Variants in LRPPRC observed in about 807,000 individuals in gnomAD.
LRPPRC encodes the protein leucine-rich PPR motif-containing protein, mitochondrial.
Under a neutral mutation model 180.3 loss-of-function variants are expected in LRPPRC, and 120 were observed. The ratio of observed to expected loss-of-function variants is 0.67; its 90% CI spans 0.57 to 0.77. LRPPRC has a LOEUF of 0.77. Among genes scored for constraint, LRPPRC ranks in the 30% least tolerant of loss-of-function variants. The pLI, the probability that LRPPRC is intolerant of heterozygous loss-of-function variation, is 0.00. For missense variants in LRPPRC, 2,012 were observed against 1,657.2 expected (o/e 1.21, Z -3.72); for synonymous variants, 723 against 600.0 (o/e 1.21, Z -3.00).
intron 34 of LRPPRC, among the ~76,000 whole-genome samples, chr2:43,898,199 C>G (rs776809641): frequency 6.3e-4 from 96 of 152,078 alleles, no homozygotes; most frequent in Admixed American, 1.1e-3. Context: ...CTAATTCACC[C>G]TTTATAAAAC....
At chr2:43,960,686 G>C (rs772944982) in intron 12 of LRPPRC, 52 bp from the exon 13 acceptor site, 2 of 888,268 alleles carry the variant, frequency 2.3e-6, no homozygotes, top group East Asian at 4.8e-5. Context: ...ACAATATTTT[G>C]ATAAGCCAAA....
At chr2:43,985,474 GCTCTAT>G (rs1207182612) in intron 1 of LRPPRC, among the ~76,000 whole-genome samples, 1 of 152,096 alleles carries the variant, frequency 6.6e-6, no homozygotes, top group Non-Finnish European at 1.5e-5. Flanking sequence ...AATGCCCCAT[GCTCTAT>G]CTCCTCATTC....
At chr2:43,974,086 T>C in intron 9 of LRPPRC, 64 bp downstream of exon 9, 2 of 1,459,038 alleles carry the variant, frequency 1.4e-6, no homozygotes, top group Non-Finnish European at 1.9e-6. Context: ...AATGTTCCTA[T>C]ACTTTAAAGA....
Position 43,886,837 on chromosome 2 carries a change from T to C in LRPPRC, c.*1763A>G, listed in dbSNP as rs1369822275. 6.6e-6 allele frequency: 1 copy of C among 152,208 alleles called. No homozygotes were observed. The highest frequency in any genetic ancestry group is 1.5e-5 in the Non-Finnish European group (1 of 68,050). 9.4% of individuals were successfully genotyped at this position (152,208 alleles called of 1,614,324 possible). On this transcript the variant is annotated 3_prime_UTR_variant, in exon 38 of 38. Transcript: ENST00000260665. ...ATGAGGCCTGCTTCAGTGCAATCAC[T>C]AAAGACAGGAGTGAGGCTCTTGGCC...
chr2:43,888,263 T>C lies in LRPPRC; in HGVS notation c.*337A>G. 3.6e-6 allele frequency: 1 copy of C among 277,394 alleles called. No individual in the cohort carries two copies. The highest frequency in any genetic ancestry group is 6.9e-6 in the Non-Finnish European group (1 of 144,454). 17.2% of individuals were successfully genotyped at this position (277,394 alleles called of 1,614,324 possible). On this transcript the variant is annotated 3_prime_UTR_variant, in exon 38 of 38. Coordinates refer to ENST00000260665, the MANE Select transcript of LRPPRC (RefSeq NM_133259.4). ...ATTTTTCAGAGAAACAGCAGACTAA[T>C]AAGTGAATCTTAAATAAAGGAATAA...
At chr2:43,963,017 T>C (rs1241918595) in intron 12 of LRPPRC, among the ~76,000 whole-genome samples, 2 of 152,212 alleles carry the variant, frequency 1.3e-5, no homozygotes, top group East Asian at 3.8e-4. Context: ...GGAGTTAATA[T>C]TGTTTTAATT....
intron 3 of LRPPRC, among the ~76,000 whole-genome samples, chr2:43,977,957 C>T (rs777735390): frequency 1.3e-5 from 2 of 152,106 alleles, no homozygotes; most frequent in Non-Finnish European, 2.9e-5. Flanking sequence ...TGCCTGTGAC[C>T]ATACAGGCCT....
chr2:43,915,875 C>G (rs1272314820), intron 29 of LRPPRC, among the ~76,000 whole-genome samples: 1 of 152,180 alleles, frequency 6.6e-6, no homozygotes, highest in Non-Finnish European at 1.5e-5. Flanking sequence ...AGCTGATCCT[C>G]TCACCTCAAC....
chr2:43,929,755 T>A (rs1558958086), intron 25 of LRPPRC, among the ~76,000 whole-genome samples: 1 of 152,228 alleles, frequency 6.6e-6, no homozygotes, highest in South Asian at 2.1e-4. Context: ...TTCTCTAAAA[T>A]TTTCCAAGAT....
At chr2:43,958,556 T>C (rs1008336755) in intron 13 of LRPPRC, among the ~76,000 whole-genome samples, 9 of 152,198 alleles carry the variant, frequency 5.9e-5, no homozygotes, top group Non-Finnish European at 1.2e-4. Flanking sequence ...TTTGAAAATC[T>C]AAAAGTCACT....
At chr2:43,911,671 C>T (rs746561499) in intron 30 of LRPPRC, among the ~76,000 whole-genome samples, 1 of 151,754 alleles carries the variant, frequency 6.6e-6, no homozygotes, top group Non-Finnish European at 1.5e-5. Context: ...GGATTACAGG[C>T]ACATGCCACC....
chr2:43,940,770 T>C (rs1176611623), intron 23 of LRPPRC, among the ~76,000 whole-genome samples: 1 of 152,228 alleles, frequency 6.6e-6, no homozygotes, highest in Non-Finnish European at 1.5e-5. Flanking sequence ...TTTCATTTCC[T>C]TGACCATAAC....
At chr2:43,941,575 G>C (rs1672482042) in intron 23 of LRPPRC, among the ~76,000 whole-genome samples, 1 of 152,058 alleles carries the variant, frequency 6.6e-6, no homozygotes, top group Non-Finnish European at 1.5e-5. Flanking sequence ...GTTAATCCTA[G>C]CACTTGTCAT....
At chr2:43,975,548 A>G (rs1048566822) in intron 6 of LRPPRC, among the ~76,000 whole-genome samples, 1 of 151,978 alleles carries the variant, frequency 6.6e-6, no homozygotes, top group Non-Finnish European at 1.5e-5. Flanking sequence ...TATTTTCCAG[A>G]GCAGTTACTT....
intron 2 of LRPPRC, among the ~76,000 whole-genome samples, chr2:43,981,783 T>G (rs1344164691): frequency 6.6e-6 from 1 of 152,084 alleles, no homozygotes; most frequent in African/African-American, 2.4e-5. Context: ...AATTAAAGTA[T>G]CAAATAATCT....
intron 18 of LRPPRC, 149 bp from the exon 19 acceptor site, chr2:43,947,924 C>A: frequency 1.5e-6 from 1 of 660,740 alleles, no homozygotes; most frequent in South Asian, 1.9e-5. Context: ...CTTTATTAAT[C>A]AATGTAATTA....
intron 23 of LRPPRC, among the ~76,000 whole-genome samples, chr2:43,936,079 G>T (rs922553657): frequency 6.6e-6 from 1 of 150,590 alleles, no homozygotes; most frequent in South Asian, 2.1e-4. Context: ...GTGAAACTCT[G>T]TTTCAAAAAA....
chr2:43,985,971 T>C (rs1674510161), intron 1 of LRPPRC, among the ~76,000 whole-genome samples: 1 of 152,188 alleles, frequency 6.6e-6, no homozygotes, highest in Non-Finnish European at 1.5e-5. Flanking sequence ...CTTGCCAGTA[T>C]TTGGGGTTTT....
At chr2:43,942,703 G>A (rs369942293) in intron 23 of LRPPRC, among the ~76,000 whole-genome samples, 2 of 151,932 alleles carry the variant, frequency 1.3e-5, no homozygotes, top group African/African-American at 2.4e-5. Flanking sequence ...CATGAGAACC[G>A]TTAAAATACA....
Sources: gnomAD v4.1 joint callset for allele counts (sites outside exome capture counted in the v4.1 genomes callset) on GRCh38, gnomAD v4.1.1 for gene constraint, MANE v1.5 for transcripts, NCBI Gene and HGNC (gene_info 2026-07-23, HGNC 2026-07-21) for gene names.